Variants in KCNIP1 observed in about 807,000 individuals in gnomAD.
The protein encoded by KCNIP1 is potassium voltage-gated channel interacting protein 1.
A neutral mutation model predicts 33.0 loss-of-function variants in KCNIP1; 18 were observed. The observed-to-expected ratio is 0.55, with a 90% CI of 0.38 to 0.81. The LOEUF is 0.81. KCNIP1 is among the 30% of genes least tolerant of loss of function. The pLI, the probability that KCNIP1 is intolerant of heterozygous loss-of-function variation, is 0.00. For missense variants in KCNIP1, 238 were observed against 271.6 expected, an observed-to-expected ratio of 0.88 and a Z score of 0.87; for synonymous variants, 93 against 98.3, an observed-to-expected ratio of 0.95 and a Z score of 0.32.
intron 1 of KCNIP1, among the ~76,000 whole-genome samples, chr5:170,685,527 C>T (rs140364538): frequency 0.01 from 1,568 of 151,840 alleles, 11 homozygotes; most frequent in Non-Finnish European, 0.015. Flanking sequence ...CTCACTCTGT[C>T]GCCCAGGCTG....
rs923070719 is a variant in KCNIP1, at chr5:170,703,182, A to G, written c.62-15576A>G. ...GGACCCCAAAAAATGAAGTTCTGTC[A>G]TGTCTCTAGACCACCACCAAACACA... On this transcript the variant is annotated intron_variant, in intron 1 of 7. Transcript: ENST00000328939. Among the ~76,000 whole-genome samples the G allele has an allele frequency of 1.6e-4, 22 of 137,594 alleles. 1 individual carries two copies. Among genetic ancestry groups the G allele is most frequent in the South Asian group, 1.3e-3 (5 of 3,710 alleles). 90.3% of individuals were successfully genotyped at this position (137,594 alleles called of 152,430 possible). A position where few individuals can be genotyped will look rare whatever the true frequency, so the allele number is the denominator to read the frequency against.
intron 1 of KCNIP1, among the ~76,000 whole-genome samples, chr5:170,628,061 G>A (rs1286630944): frequency 6.6e-6 from 1 of 152,200 alleles, no homozygotes; most frequent in Non-Finnish European, 1.5e-5. Context: ...GAAGTGAGTG[G>A]GGAATTCCCG....
At chr5:170,494,763 C>A (rs1202008339) in intron 1 of KCNIP1, among the ~76,000 whole-genome samples, 1 of 152,200 alleles carries the variant, frequency 6.6e-6, no homozygotes, top group African/African-American at 2.4e-5. Context: ...TGTTTCCTCC[C>A]AGTTCTTTCT....
intron 1 of KCNIP1, among the ~76,000 whole-genome samples, chr5:170,399,875 A>T (rs1187687555): frequency 6.6e-6 from 1 of 152,170 alleles, no homozygotes; most frequent in African/African-American, 2.4e-5. Context: ...ATCTTTGCTC[A>T]CCTCTCTGAT....
At chr5:170,420,954 T>G (rs1358521167) in intron 1 of KCNIP1, among the ~76,000 whole-genome samples, 1 of 152,104 alleles carries the variant, frequency 6.6e-6, no homozygotes, top group Non-Finnish European at 1.5e-5. Flanking sequence ...GACAGCGAGG[T>G]CTAGCCCTGA....
chr5:170,668,679 C>T (rs1761803148), intron 1 of KCNIP1, among the ~76,000 whole-genome samples: 1 of 152,178 alleles, frequency 6.6e-6, no homozygotes, highest in Non-Finnish European at 1.5e-5. Flanking sequence ...GAGGGTGTGC[C>T]ACTCCTTACT....
intron 1 of KCNIP1, among the ~76,000 whole-genome samples, chr5:170,716,127 C>T (rs1219922148): frequency 1.3e-5 from 2 of 152,182 alleles, no homozygotes; most frequent in African/African-American, 2.4e-5. Flanking sequence ...AGAGCGGCAG[C>T]GTGGGCACTC....
Position 170,402,673 on chromosome 5 carries a change from C to T in KCNIP1, c.88+48709C>T, listed in dbSNP as rs114879980. Among the ~76,000 whole-genome samples the T allele has an allele frequency of 7.7e-3, 1,173 of 152,280 alleles. 19 individuals are homozygous for T. The highest frequency in any genetic ancestry group is 0.027 in the African/African-American group (1,128 of 41,562). ...GATCCTTACATCCCATTGGTGAGGA[C>T]TAGTCATGTGGTCTGCCCAGCTGCA... On this transcript the variant is annotated intron_variant, in intron 1 of 7. Transcript: ENST00000377360.
At chr5:170,589,787 GAT>G (rs1758154781) in intron 1 of KCNIP1, among the ~76,000 whole-genome samples, 1 of 141,926 alleles carries the variant, frequency 7.0e-6, no homozygotes, top group African/African-American at 2.8e-5. Flanking sequence ...GGTGTGATGT[GAT>G]GTGGTGTGCG....
At chr5:170,403,476 T>A (rs1018962075) in intron 1 of KCNIP1, among the ~76,000 whole-genome samples, 9 of 152,180 alleles carry the variant, frequency 5.9e-5, no homozygotes, top group African/African-American at 9.7e-5. Flanking sequence ...TACAGAGGGA[T>A]GGGGCTGTAG....
At chr5:170,412,232 TC>T (rs1433993471) in intron 1 of KCNIP1, among the ~76,000 whole-genome samples, 3 of 84,916 alleles carry the variant, frequency 3.5e-5, no homozygotes, top group Non-Finnish European at 7.9e-5. Context: ...TCCTTGGCTT[TC>T]CATTTTTTTT....
chr5:170,516,357 T>C (rs1405342385), intron 1 of KCNIP1, among the ~76,000 whole-genome samples: 1 of 152,208 alleles, frequency 6.6e-6, no homozygotes, highest in Admixed American at 6.5e-5. Context: ...TAAACACGCT[T>C]GACTCTCCAG....
chr5:170,471,352 T>C (rs987455814), intron 1 of KCNIP1, among the ~76,000 whole-genome samples: 2 of 152,210 alleles, frequency 1.3e-5, no homozygotes, highest in African/African-American at 2.4e-5. Context: ...CCAGTCCCAA[T>C]ACCTTGTCCA....
intron 1 of KCNIP1, among the ~76,000 whole-genome samples, chr5:170,369,817 G>T (rs1423346095): frequency 6.6e-6 from 1 of 152,136 alleles, no homozygotes; most frequent in Non-Finnish European, 1.5e-5. Flanking sequence ...CTGATTTCTG[G>T]GCCAGGAGGT....
At chr5:170,578,026 C>T (rs1035799062) in intron 1 of KCNIP1, among the ~76,000 whole-genome samples, 5 of 152,182 alleles carry the variant, frequency 3.3e-5, no homozygotes, top group Non-Finnish European at 5.9e-5. Flanking sequence ...GATTGCTAGA[C>T]GTGGAATTAC....
intron 1 of KCNIP1, among the ~76,000 whole-genome samples, chr5:170,624,631 T>C (rs796616490): frequency 2.0e-5 from 3 of 151,422 alleles, no homozygotes; most frequent in African/African-American, 7.3e-5. Context: ...GTTTAAACGT[T>C]TCGCCTGCCC....
chr5:170,424,562 G>A (rs764661065), intron 1 of KCNIP1, among the ~76,000 whole-genome samples: 9 of 152,070 alleles, frequency 5.9e-5, no homozygotes, highest in Non-Finnish European at 8.8e-5. Flanking sequence ...GAATCCTTTC[G>A]GCTGGGGCTA....
At chr5:170,425,452 T>C (rs1429904605) in intron 1 of KCNIP1, among the ~76,000 whole-genome samples, 1 of 152,086 alleles carries the variant, frequency 6.6e-6, no homozygotes, top group African/African-American at 2.4e-5. Flanking sequence ...ATGGCAGTCA[T>C]GGGGGGAGGC....
chr5:170,633,145 A>G (rs917475167), intron 1 of KCNIP1, among the ~76,000 whole-genome samples: 2 of 152,192 alleles, frequency 1.3e-5, no homozygotes, highest in East Asian at 1.9e-4. Flanking sequence ...GGGTCTCTCC[A>G]GCAAGGATGG....
Sources: allele counts gnomAD v4.1 joint callset (sites outside exome capture counted in the v4.1 genomes callset), GRCh38; gene constraint gnomAD v4.1.1; transcripts MANE v1.5; gene names NCBI Gene and HGNC (gene_info 2026-07-23, HGNC 2026-07-21).